ZNF346: variants seen among roughly 807,000 people sequenced by gnomAD.
ZNF346 encodes double-stranded RNA-binding zinc finger protein JAZ.
In ZNF346, 23 loss-of-function variants were observed where a neutral mutation model predicts 33.7. The observed-to-expected ratio is 0.68, with a 90% CI of 0.49 to 0.97. The LOEUF is 0.97. Ranked by LOEUF, ZNF346 falls within the 50% of genes least tolerant of loss-of-function variation. The probability of loss-of-function intolerance (pLI) is 0.00; values close to 1 mark genes in which losing one functional copy is unlikely to be tolerated. For missense variants in ZNF346, 340 were observed against 371.1 expected, an observed-to-expected ratio of 0.92 and a Z score of 0.69; for synonymous variants, 134 against 142.4, an observed-to-expected ratio of 0.94 and a Z score of 0.42.
At chr5:177,072,941 A>G (rs983780193), downstream of ZNF346, among the ~76,000 whole-genome samples, 3 of 152,222 alleles carry the variant, frequency 2.0e-5, no homozygotes, top group African/African-American at 7.2e-5. Flanking sequence ...ACTTGCAACC[A>G]AGATTTCTGC....
chr5:177,058,834 G>T (rs773067221), intron 5 of ZNF346, among the ~76,000 whole-genome samples: 7 of 152,170 alleles, frequency 4.6e-5, no homozygotes, highest in Non-Finnish European at 7.4e-5. Context: ...ACAGAGGTGG[G>T]CTGTTGACCT....
chr5:177,028,521 T>TATATATATATATATATATATA (rs56006820), intron 1 of ZNF346, among the ~76,000 whole-genome samples: 155 of 135,688 alleles, frequency 1.1e-3, no homozygotes, highest in Middle Eastern at 3.8e-3. Flanking sequence ...TATATATATA[T>TATATATATATATATATATATA]TTCCCTCCAT....
At chr5:177,033,357 C>G (rs12522379) in intron 1 of ZNF346, among the ~76,000 whole-genome samples, 47,910 of 152,080 alleles carry the variant, frequency 0.32, 8,880 homozygotes, top group East Asian at 0.5. Context: ...AGATTACAGG[C>G]GTGGGCCACT....
At chr5:177,022,951 C>T (rs1033995556) in intron 1 of ZNF346, 38 bp downstream of exon 1, 67 of 1,446,092 alleles carry the variant, frequency 4.6e-5, no homozygotes, top group Non-Finnish European at 5.6e-5. Context: ...GCCCCTCGCC[C>T]GCTGCGCGGC....
At chr5:177,057,878 A>G (rs1184989559) in intron 5 of ZNF346, among the ~76,000 whole-genome samples, 1 of 150,758 alleles carries the variant, frequency 6.6e-6, no homozygotes, top group Non-Finnish European at 1.5e-5. Context: ...CTGGAGTGCA[A>G]TGGCGCAATC....
chr5:177,049,424 A>G (rs1239142494), intron 4 of ZNF346, among the ~76,000 whole-genome samples: 1 of 152,196 alleles, frequency 6.6e-6, no homozygotes, highest in Non-Finnish European at 1.5e-5. Context: ...TGCTAGGTTG[A>G]CACCATTTCA....
At chr5:177,044,882 G>A (rs1779827830) in intron 4 of ZNF346, among the ~76,000 whole-genome samples, 1 of 152,108 alleles carries the variant, frequency 6.6e-6, no homozygotes, top group African/African-American at 2.4e-5. Flanking sequence ...GCATCCACCT[G>A]CCCTTATTAC....
chr5:177,026,352 A>ATTTT (rs59380094), intron 1 of ZNF346, among the ~76,000 whole-genome samples: 8 of 101,912 alleles, frequency 7.8e-5, no homozygotes, highest in Admixed American at 3.2e-4. Context: ...TGGATTGGTA[A>ATTTT]TTTTTTTTTT....
In ZNF346 at chr5:177,064,721, A is replaced by G; in HGVS notation, c.*122A>G. The G allele has an allele frequency of 3.9e-6, 3 of 763,768 alleles. No individual in the cohort carries two copies. Among genetic ancestry groups the G allele is most frequent in the Non-Finnish European group, 6.8e-6 (3 of 442,514 alleles). 47.3% of individuals were successfully genotyped at this position (763,768 alleles called of 1,614,324 possible). A position where few individuals can be genotyped will look rare whatever the true frequency, so the allele number is the denominator to read the frequency against. ...GGAAAGTACACGGGCCTGAGGCAGG[A>G]TTGGGCCACAGACAGCCTCTCATTG... On this transcript the variant is annotated 3_prime_UTR_variant, in exon 7 of 7. Coordinates refer to ENST00000358149, the MANE Select transcript of ZNF346 (RefSeq NM_012279.4).
At chr5:177,043,494 G>A (rs1445237914) in intron 3 of ZNF346, among the ~76,000 whole-genome samples, 4 of 152,034 alleles carry the variant, frequency 2.6e-5, no homozygotes, top group South Asian at 2.1e-4. Context: ...GGCTGGGTGC[G>A]GTGGCTCATA....
intron 8 of ZNF346, among the ~76,000 whole-genome samples, chr5:177,074,647 AT>A (rs777779760): frequency 1.1e-3 from 166 of 152,274 alleles, no homozygotes; most frequent in Non-Finnish European, 2.0e-3. Flanking sequence ...TACATTCACT[AT>A]TTTGTGTAAG....
intron 3 of ZNF346, among the ~76,000 whole-genome samples, chr5:177,044,158 T>C (rs940358832): frequency 6.6e-6 from 1 of 152,016 alleles, no homozygotes; most frequent in African/African-American, 2.4e-5. Flanking sequence ...AGGAAGCACA[T>C]TTTAGACAGC....
At chr5:177,040,871 T>C (rs966678166) in intron 1 of ZNF346, among the ~76,000 whole-genome samples, 7 of 152,192 alleles carry the variant, frequency 4.6e-5, no homozygotes, top group Non-Finnish European at 8.8e-5. Context: ...AAGTTTATGA[T>C]CTAAAGATTC....
intron 1 of ZNF346, among the ~76,000 whole-genome samples, chr5:177,024,571 A>T (rs1244888841): frequency 6.6e-6 from 1 of 151,988 alleles, no homozygotes; most frequent in Non-Finnish European, 1.5e-5. Context: ...ACAAACACTC[A>T]CTGATGCCTG....
chr5:177,028,941 G>A (rs1047702004), intron 1 of ZNF346, among the ~76,000 whole-genome samples: 1 of 151,446 alleles, frequency 6.6e-6, no homozygotes, highest in African/African-American at 2.4e-5. Flanking sequence ...GGCTGATCTC[G>A]ATTTCCTGAC....
At chr5:177,056,137 C>G (rs948786856) in intron 5 of ZNF346, among the ~76,000 whole-genome samples, 3 of 150,714 alleles carry the variant, frequency 2.0e-5, no homozygotes, top group African/African-American at 7.3e-5. Context: ...CCCAGCTACT[C>G]AGGAGGCTGA....
At chr5:177,039,850 C>A (rs568213292) in intron 1 of ZNF346, among the ~76,000 whole-genome samples, 2 of 152,116 alleles carry the variant, frequency 1.3e-5, no homozygotes, top group Non-Finnish European at 2.9e-5. Flanking sequence ...TTAGACTCTG[C>A]CTCTGCCTCT....
chr5:177,047,492 C>A (rs913669499), intron 4 of ZNF346, among the ~76,000 whole-genome samples: 1 of 151,868 alleles, frequency 6.6e-6, no homozygotes, highest in Non-Finnish European at 1.5e-5. Flanking sequence ...GTGCCCACCA[C>A]CATACCCGGC....
At chr5:177,075,714 T>TTC (rs1269998062) in intron 8 of ZNF346, among the ~76,000 whole-genome samples, 1 of 151,012 alleles carries the variant, frequency 6.6e-6, no homozygotes, top group Non-Finnish European at 1.5e-5. Context: ...GAGACAGAGT[T>TTC]TCTCTCTTGT....
Sources: gnomAD v4.1 joint callset for allele counts (sites outside exome capture counted in the v4.1 genomes callset) on GRCh38, gnomAD v4.1.1 for gene constraint, MANE v1.5 for transcripts, NCBI Gene and HGNC (gene_info 2026-07-23, HGNC 2026-07-21) for gene names.